The following ESRRB variants were observed in gnomAD, a reference collection of about 807,000 sequenced individuals.
The protein encoded by ESRRB is steroid hormone receptor ERR2.
ESRRB carries 16 observed loss-of-function variants against 46.0 expected under a neutral mutation model. The ratio of observed to expected loss-of-function variants is 0.35; its 90% confidence interval spans 0.24 to 0.53. The LOEUF is 0.53. Among genes scored for constraint, ESRRB ranks in the 20% least tolerant of loss-of-function variants. The probability of loss-of-function intolerance (pLI) is 0.93; values close to 1 mark genes in which losing one functional copy is unlikely to be tolerated. For synonymous variants in ESRRB, 246 were observed against 259.6 expected, an observed-to-expected ratio of 0.95 and a Z score of 0.50; for missense variants, 488 against 607.4, an observed-to-expected ratio of 0.80 and a Z score of 2.07.
In ESRRB at chr14:76,376,442, A is replaced by C. The variant is rs570516819; in HGVS notation, c.41A>C (p.Tyr14Ser). ...SELCIPDPLG[Y>S]HNQLLNRMSS... is the part of the protein sequence containing the mutation. ...CTCTGCATCCCGGACCCCCTCGGCT[A>C]CCACAACCAGTAGGTGCCCTGCTTC... is the stretch of plus-strand genomic sequence containing the variant. The change falls in exon 1 of 7, where the codon TAC (tyrosine) becomes TCC (serine). Residue 14 changes from tyrosine (Y) to serine (S), a missense_variant. Tyr to Ser is a moderately radical substitution (Grantham distance 144). Transcript: ENST00000644823. This position sits in a 1 kb window ranked among gnomAD's most constrained non-coding sequence, Gnocchi z 4.1. 65 of 1,231,334 alleles carry C rather than the reference A, an allele frequency of 5.3e-5. No individual in the cohort carries two copies. The Admixed American group carries it at 2.4e-3, about 45-fold the overall frequency. 76.3% of individuals were successfully genotyped at this position (1,231,334 alleles called of 1,614,324 possible).
chr14:76,471,044 T>C (rs752059265), intron 3 of ESRRB, among the ~76,000 whole-genome samples: 2 of 152,202 alleles, frequency 1.3e-5, no homozygotes, highest in Admixed American at 6.5e-5. Flanking sequence ...AGATTAAACA[T>C]GTCTAGAGAG....
chr14:76,436,311 C>T (rs1013630306), intron 1 of ESRRB, among the ~76,000 whole-genome samples: 2 of 152,202 alleles, frequency 1.3e-5, no homozygotes, highest in Middle Eastern at 3.2e-3. Flanking sequence ...GGGGCAAATG[C>T]CTCTTATCCA....
chr14:76,386,962 T>A (rs1162062646), intron 1 of ESRRB, among the ~76,000 whole-genome samples: 2 of 152,074 alleles, frequency 1.3e-5, no homozygotes, highest in Non-Finnish European at 2.9e-5. Context: ...GACAAACGGG[T>A]TGGGGTGCTG....
chr14:76,370,225 T>TAAA (rs35273827), upstream of ESRRB, among the ~76,000 whole-genome samples: 1,849 of 140,130 alleles, frequency 0.013, 26 homozygotes, highest in African/African-American at 0.031. Flanking sequence ...CCATCCCTGC[T>TAAA]AAAAAAAAAA....
rs1888916504 is a variant in ESRRB at position 76,462,590 on chromosome 14, C to G, written c.506C>G (p.Thr169Ser). ...CCGGCCACCAACGAGTGCGAGATCA[C>G]CAAACGGAGGCGCAAGTCCTGCCAG... Reference protein sequence around the residue: ...SCPATNECEITKRRRKSCQAC... With the variant: ...SCPATNECEISKRRRKSCQAC... Residue 169 changes from threonine to serine, a missense_variant, in exon 3 of 7, where the codon ACC becomes AGC. Thr to Ser is a moderately conservative substitution (Grantham distance 58). Coordinates refer to ENST00000644823, the MANE Select transcript of ESRRB (RefSeq NM_001379180.1). 1.2e-6 allele frequency: 2 copies of G among 1,614,168 alleles called. No homozygotes were observed. The highest frequency in any genetic ancestry group is 1.7e-6 in the Non-Finnish European group (2 of 1,180,022).
chr14:76,424,885 C>T (rs752280224), intron 1 of ESRRB, among the ~76,000 whole-genome samples: 1 of 152,082 alleles, frequency 6.6e-6, no homozygotes, highest in Non-Finnish European at 1.5e-5. Context: ...TACAGGCATG[C>T]ACCACCACGC....
intron 1 of ESRRB, 148 bp from the exon 2 acceptor site, chr14:76,439,193 G>A (rs777377696): frequency 1.2e-5 from 11 of 912,888 alleles, no homozygotes; most frequent in Non-Finnish European, 1.9e-5. Flanking sequence ...CTGCGCCGAG[G>A]GGAGACCAGC....
chr14:76,415,923 C>T (rs1886678593), intron 1 of ESRRB, among the ~76,000 whole-genome samples: 1 of 152,210 alleles, frequency 6.6e-6, no homozygotes, highest in Non-Finnish European at 1.5e-5. Context: ...GGCTTGCCTA[C>T]AGTCAACAGC....
Position 76,421,444 on chromosome 14 carries a change from T to C in ESRRB, c.51-17897T>C, listed in dbSNP as rs559501705. 2.6e-5 allele frequency among the ~76,000 whole-genome samples: 4 copies of C among 152,342 alleles called. No individual in the cohort carries two copies. The East Asian group carries it at 5.8e-4, about 22-fold the overall frequency. On this transcript the variant is annotated intron_variant, in intron 1 of 6. Coordinates refer to ENST00000644823, the MANE Select transcript of ESRRB (RefSeq NM_001379180.1). ...TTATATATGTAAAGCGCTTTGCACA[T>C]AGCAAGTGCTTAAAAAGAAAGGAAA...
Position 76,501,585 on chromosome 14 carries a change from C to T in ESRRB, c.*3127C>T, listed in dbSNP as rs1026247824. The T allele has an allele frequency of 2.6e-5, 4 of 152,204 alleles. No individual in the cohort carries two copies. Among genetic ancestry groups the T allele is most frequent in the African/African-American group, 9.7e-5 (4 of 41,440 alleles). 9.4% of individuals were successfully genotyped at this position (152,204 alleles called of 1,614,324 possible). A position where few individuals can be genotyped will look rare whatever the true frequency, so the allele number is the denominator to read the frequency against. On this transcript the variant is annotated 3_prime_UTR_variant, in exon 7 of 7. Transcript: ENST00000644823. ...AAGACTGAAGGGTCCAGAGTCCATG[C>T]TCACGGAACAGCACCAAAGAAAAGC...
At chr14:76,359,928 G>T (rs1643678863) in intron 1 of ESRRB, among the ~76,000 whole-genome samples, 1 of 152,176 alleles carries the variant, frequency 6.6e-6, no homozygotes, top group Non-Finnish European at 1.5e-5. Context: ...TGTTATGTCT[G>T]GGCAGATCCT....
chr14:76,371,909 G>A (rs1471229094), upstream of ESRRB, among the ~76,000 whole-genome samples: 1 of 152,142 alleles, frequency 6.6e-6, no homozygotes, highest in Non-Finnish European at 1.5e-5. Context: ...GGCAGGGAGG[G>A]GATTTGAGGA....
chr14:76,476,810 G>A (rs1447168196), intron 3 of ESRRB, among the ~76,000 whole-genome samples: 8 of 152,204 alleles, frequency 5.3e-5, no homozygotes, highest in South Asian at 2.1e-4. Context: ...CTGCAAGGTC[G>A]TTGCCACACC....
At chr14:76,408,166 A>G (rs1307520766) in intron 1 of ESRRB, among the ~76,000 whole-genome samples, 1 of 152,218 alleles carries the variant, frequency 6.6e-6, no homozygotes, top group African/African-American at 2.4e-5. Flanking sequence ...ACCTCAGGCT[A>G]TCTGGCCCCA....
At chr14:76,319,321 G>T (rs1299822449) in intron 1 of ESRRB, among the ~76,000 whole-genome samples, 1 of 152,192 alleles carries the variant, frequency 6.6e-6, no homozygotes, top group Non-Finnish European at 1.5e-5. Flanking sequence ...GAATAAGCAT[G>T]GGCAATTTCT....
chr14:76,461,932 G>A (rs1888879520), intron 2 of ESRRB, among the ~76,000 whole-genome samples: 1 of 152,192 alleles, frequency 6.6e-6, no homozygotes, highest in South Asian at 2.1e-4. Context: ...TAAAGCAGTT[G>A]TCCATATGTG....
chr14:76,434,800 C>T (rs563909035), intron 1 of ESRRB, among the ~76,000 whole-genome samples: 53 of 152,304 alleles, frequency 3.5e-4, no homozygotes, highest in African/African-American at 4.8e-4. Flanking sequence ...GCAGCTCTTG[C>T]CCAGGCCTGG....
At chr14:76,392,996 G>T (rs1320168659) in intron 1 of ESRRB, among the ~76,000 whole-genome samples, 3 of 152,270 alleles carry the variant, frequency 2.0e-5, no homozygotes, top group African/African-American at 7.2e-5. Context: ...CTCTGTGCGG[G>T]CATGTGGGGC....
At chr14:76,363,349 T>C (rs1049954745) in intron 1 of ESRRB, among the ~76,000 whole-genome samples, 8 of 152,162 alleles carry the variant, frequency 5.3e-5, no homozygotes, top group Non-Finnish European at 7.3e-5. Flanking sequence ...CTGCTGCCCA[T>C]TTGGACCTGC....
Sources: gnomAD v4.1 joint callset for allele counts (sites outside exome capture counted in the v4.1 genomes callset) on GRCh38, gnomAD v4.1.1 for gene constraint, Gnocchi (gnomAD v3.1) non-coding constraint, MANE v1.5 for transcripts, NCBI Gene and HGNC (gene_info 2026-07-23, HGNC 2026-07-21) for gene names.